TENM1: variants seen among roughly 807,000 people sequenced by gnomAD.
TENM1 encodes teneurin-1.
A neutral mutation model predicts 174.8 loss-of-function variants in TENM1; 35 were observed. The observed-to-expected ratio is 0.20, with a 90% CI of 0.15 to 0.27. The LOEUF is 0.27. Ranked by LOEUF, TENM1 falls within the 10% of genes least tolerant of loss-of-function variation. The pLI is 1.00. For synonymous variants in TENM1, 781 were observed against 798.7 expected (o/e 0.98, Z 0.37); for missense variants, 1,633 against 2,130.1 (o/e 0.77, Z 4.59).
chrX:124,380,415 G>T, exon 32 of TENM1: 1 of 590,468 alleles, frequency 1.7e-6, no homozygotes, highest in Non-Finnish European at 2.5e-6. Flanking sequence ...AAAGGCAGTT[G>T]GATATGTTTT....
At chrX:124,470,192 G>T (rs187184562) in intron 22 of TENM1, among the ~76,000 whole-genome samples, 2 of 111,951 alleles carry the variant, frequency 1.8e-5, no homozygotes, top group East Asian at 5.6e-4. Flanking sequence ...AATAATAAAA[G>T]ATTAAAAACA....
At chrX:124,503,895 C>G (rs1379762462) in intron 18 of TENM1, among the ~76,000 whole-genome samples, 192 bp from the exon 22 acceptor site, 1 of 111,853 alleles carries the variant, frequency 8.9e-6, no homozygotes, top group African/African-American at 3.2e-5. Context: ...CAAAAGTGAT[C>G]AGGGCATATC....
intron 22 of TENM1, among the ~76,000 whole-genome samples, chrX:124,468,780 T>C (rs2061268023): frequency 8.9e-6 from 1 of 112,360 alleles, no homozygotes; most frequent in Non-Finnish European, 1.9e-5. Flanking sequence ...AATATTGTTA[T>C]GTATATTTTA....
chrX:124,705,887 T>G (rs754023409), intron 4 of TENM1, among the ~76,000 whole-genome samples: 3 of 110,776 alleles, frequency 2.7e-5, no homozygotes, highest in Non-Finnish European at 5.7e-5. Context: ...GTTTTGTTTC[T>G]GTTTCTGTTT....
the TENM1 span, among the ~76,000 whole-genome samples, chrX:125,073,347 T>C: frequency 2.7e-5 from 3 of 111,403 alleles, no homozygotes; most frequent in Non-Finnish European, 5.7e-5. Context: ...CTGAAAAATA[T>C]CACTTACTTA....
At chrX:124,672,629 G>A (rs1232260725) in intron 5 of TENM1, among the ~76,000 whole-genome samples, 1 of 111,877 alleles carries the variant, frequency 8.9e-6, no homozygotes, top group East Asian at 2.8e-4. Flanking sequence ...GTACAATGCT[G>A]TCTATTGTAA....
chrX:124,773,889 G>A (rs1279051800), intron 3 of TENM1, among the ~76,000 whole-genome samples: 1 of 112,127 alleles, frequency 8.9e-6, no homozygotes, highest in Non-Finnish European at 1.9e-5. Context: ...TGGATTTAGA[G>A]TTGAGTGTAT....
rs757254328 is a variant in TENM1 at position 124,960,544 on chromosome X, G to A, written c.217+2993C>T. ...AAAGCTTATTGAATAAAAAGAATCC[G>A]TTGAAAGGACGTTAGAATGACATCA... On this transcript the variant is annotated intron_variant, in intron 1 of 31. Transcript: ENST00000422452. 1.4e-3 allele frequency among the ~76,000 whole-genome samples: 158 copies of A among 111,847 alleles called. 1 individual carries two copies. The highest frequency in any genetic ancestry group is 4.7e-3 in the African/African-American group (146 of 30,802).
chrX:124,999,784 A>T, the TENM1 span, among the ~76,000 whole-genome samples: 1 of 111,281 alleles, frequency 9.0e-6, no homozygotes, highest in Non-Finnish European at 1.9e-5. Flanking sequence ...AAGAAAAGAA[A>T]AGTAACATGG....
the TENM1 span, among the ~76,000 whole-genome samples, chrX:124,985,044 T>A: frequency 7.1e-5 from 8 of 112,147 alleles, no homozygotes; most frequent in African/African-American, 2.6e-4. Context: ...AGTAACTAAC[T>A]CTGACCCTTT....
At chrX:125,139,872 AGAGAGAGAG>A in the TENM1 span, among the ~76,000 whole-genome samples, 1 of 108,395 alleles carries the variant, frequency 9.2e-6, no homozygotes, top group Non-Finnish European at 1.9e-5. Flanking sequence ...AGAGAGAGAG[AGAGAGAGAG>A]AGAGAGAGAC....
intron 4 of TENM1, among the ~76,000 whole-genome samples, chrX:124,715,002 T>C (rs182359457): frequency 8.9e-5 from 10 of 112,356 alleles, no homozygotes; most frequent in Admixed American, 5.6e-4. Flanking sequence ...GAAGAGTAAA[T>C]ACCAAATTAA....
At chrX:124,460,511 A>G (rs2061157960) in intron 22 of TENM1, among the ~76,000 whole-genome samples, 1 of 111,030 alleles carries the variant, frequency 9.0e-6, no homozygotes, top group Admixed American at 9.6e-5. Flanking sequence ...TCTCACTTAT[A>G]AGTGGGATCT....
At chrX:125,093,654 T>C in the TENM1 span, among the ~76,000 whole-genome samples, 23 of 111,828 alleles carry the variant, frequency 2.1e-4, no homozygotes, top group Non-Finnish European at 2.4e-4. Context: ...TTCCATTAAC[T>C]TGATCAAGGT....
chrX:124,674,196 AG>A (rs1441282360), intron 5 of TENM1, among the ~76,000 whole-genome samples: 3 of 106,906 alleles, frequency 2.8e-5, no homozygotes, highest in Non-Finnish European at 3.9e-5. Context: ...AAGTCACTGA[AG>A]GGAGAGAATG....
intron 5 of TENM1, among the ~76,000 whole-genome samples, chrX:124,676,257 A>AATAT (rs56962688): frequency 1.1e-3 from 26 of 22,949 alleles, no homozygotes; most frequent in Non-Finnish European, 1.8e-3. Context: ...ACATATATAA[A>AATAT]ATATATATAT....
chrX:124,695,415 A>G (rs1369051431), intron 5 of TENM1, among the ~76,000 whole-genome samples: 1 of 111,009 alleles, frequency 9.0e-6, no homozygotes, highest in African/African-American at 3.3e-5. Flanking sequence ...AGAAGACAGG[A>G]CTAAGTTCCT....
chrX:124,971,348 G>C, the TENM1 span, among the ~76,000 whole-genome samples: 2 of 111,653 alleles, frequency 1.8e-5, no homozygotes, highest in Non-Finnish European at 3.8e-5. Flanking sequence ...CTGTAAGAGT[G>C]ACTACTGTCA....
At chrX:125,184,769 A>G in the TENM1 span, among the ~76,000 whole-genome samples, 1 of 111,715 alleles carries the variant, frequency 9.0e-6, no homozygotes, top group African/African-American at 3.2e-5. Context: ...ACATTTGAGT[A>G]ATGATGCATA....
Sources: allele counts gnomAD v4.1 joint callset (sites outside exome capture counted in the v4.1 genomes callset), GRCh38; gene constraint gnomAD v4.1.1; transcripts MANE v1.5; gene names NCBI Gene and HGNC (gene_info 2026-07-23, HGNC 2026-07-21).